RNF149: variants seen among roughly 807,000 people sequenced by gnomAD.
RNF149 encodes the protein E3 ubiquitin-protein ligase RNF149.
A neutral mutation model predicts 39.0 loss-of-function variants in RNF149; 21 were observed. That is an observed-to-expected ratio of 0.54 (90% CI 0.38 to 0.77). RNF149 has a LOEUF of 0.77. Among genes scored for constraint, RNF149 ranks in the 30% least tolerant of loss-of-function variants. RNF149 has a pLI of 0.00. For missense variants in RNF149, 493 were observed against 534.9 expected, an observed-to-expected ratio of 0.92 and a Z score of 0.77; for synonymous variants, 209 against 213.6, an observed-to-expected ratio of 0.98 and a Z score of 0.19.
chr2:101,274,738 G>A (rs1487790934), downstream of RNF149, among the ~76,000 whole-genome samples: 2 of 152,218 alleles, frequency 1.3e-5, no homozygotes, highest in Non-Finnish European at 2.9e-5. Flanking sequence ...AGCTTCATTA[G>A]CTACTGGGAA....
Position 101,308,308 on chromosome 2 carries a change from G to T in RNF149, c.281C>A (p.Thr94Lys). Residue 94 changes from threonine to lysine, a missense_variant, in exon 1 of 7, where the codon ACG becomes AAG. Transcript: ENST00000295317. ...GCCGGGCTCGGGCACGAAGAAGCGC[G>T]TGTCGGGCGCGCAGCCCTCGAGGTC... ...GGDLEGCAPDTRFFVPEPGGR... is the reference protein window; with the variant it reads ...GGDLEGCAPDKRFFVPEPGGR... 1 of 1,582,490 alleles carries T rather than the reference G, an allele frequency of 6.3e-7. No individual in the cohort carries two copies.
chr2:101,290,387 T>C (rs1292438087), intron 3 of RNF149, among the ~76,000 whole-genome samples: 4 of 152,206 alleles, frequency 2.6e-5, no homozygotes, highest in Non-Finnish European at 5.9e-5. Context: ...GAATGGAATA[T>C]GATGTAGACT....
chr2:101,307,737 G>A, intron 1 of RNF149: 3 of 801,408 alleles, frequency 3.7e-6, no homozygotes, highest in Middle Eastern at 6.4e-4. Flanking sequence ...AACCGATCGT[G>A]GGGCGCGCTG....
chr2:101,278,631 C>G (rs1282934279), intron 6 of RNF149, among the ~76,000 whole-genome samples: 1 of 152,146 alleles, frequency 6.6e-6, no homozygotes, highest in East Asian at 1.9e-4. Context: ...ATGGCTAAAT[C>G]ACACTAATTC....
intron 3 of RNF149, among the ~76,000 whole-genome samples, chr2:101,291,384 C>T (rs562945523): frequency 2.0e-5 from 3 of 151,150 alleles, no homozygotes; most frequent in Non-Finnish European, 2.9e-5. Flanking sequence ...CTCCTGACCT[C>T]GTGATCCACC....
chr2:101,283,621 A>G (rs1682675835), intron 5 of RNF149, among the ~76,000 whole-genome samples: 1 of 152,198 alleles, frequency 6.6e-6, no homozygotes, highest in Admixed American at 6.5e-5. Flanking sequence ...AGTCAAAGGC[A>G]AGACAGTAAG....
chr2:101,294,074 T>C lies in RNF149; in HGVS notation c.720A>G (p.Arg240=), dbSNP rs756223346. The C allele has an allele frequency of 2.0e-5, 31 of 1,552,612 alleles. No individual in the cohort carries two copies. The highest frequency in any genetic ancestry group is 8.9e-7 in the Non-Finnish European group (1 of 1,125,744). ...TGSQIGSQSH[R]KETKKVIGQL... is the part of the protein sequence containing the mutation. ...GGCCAATAACTTTCTTAGTTTCTTTTCTATGGCTCTTGGGTAGGAAAATAT... is the reference window on the plus strand; with the variant it reads ...GGCCAATAACTTTCTTAGTTTCTTTCCTATGGCTCTTGGGTAGGAAAATAT... The change falls in exon 3 of 7, where the codon AGA becomes AGG. Residue 240 remains arginine (R), a synonymous_variant. Coordinates refer to ENST00000295317, the MANE Select transcript of RNF149 (RefSeq NM_173647.4).
intron 5 of RNF149, 79 bp downstream of exon 5, chr2:101,286,000 CTT>C (rs1469813891): frequency 1.2e-6 from 1 of 816,516 alleles, no homozygotes; most frequent in Non-Finnish European, 2.1e-6. Context: ...ACCTGTTCCT[CTT>C]GTTTCTAGTC....
intron 1 of RNF149, among the ~76,000 whole-genome samples, chr2:101,295,757 CCAA>C (rs1299510383): frequency 2.0e-5 from 3 of 150,302 alleles, no homozygotes; most frequent in Non-Finnish European, 4.4e-5. Context: ...ACAAGAAACA[CCAA>C]CAACATTTAA....
chr2:101,294,289 A>C, intron 2 of RNF149: 5 of 433,196 alleles, frequency 1.2e-5, no homozygotes, highest in East Asian at 4.2e-5. Flanking sequence ...CTAACAACAA[A>C]AGCCATTCAA....
Position 101,276,473 on chromosome 2 carries a change from T to A in RNF149, c.*765A>T. The stretch of plus-strand genomic sequence containing the variant: ...GATTAAATTGTAACTGAAATCAATA[T>A]AACAGATTCTGAGTCTGCCTACTCA... On this transcript the variant is annotated 3_prime_UTR_variant, in exon 7 of 7. Coordinates refer to ENST00000295317, the MANE Select transcript of RNF149 (RefSeq NM_173647.4). 1 of 985,740 alleles carries A rather than the reference T, an allele frequency of 1.0e-6. No individual in the cohort carries two copies. Among genetic ancestry groups the A allele is most frequent in the Non-Finnish European group, 1.2e-6 (1 of 829,808 alleles). 61.1% of individuals were successfully genotyped at this position (985,740 alleles called of 1,614,324 possible). A position where few individuals can be genotyped will look rare whatever the true frequency, so the allele number is the denominator to read the frequency against.
chr2:101,299,659 G>C (rs1275795281), intron 1 of RNF149, among the ~76,000 whole-genome samples: 1 of 152,154 alleles, frequency 6.6e-6, no homozygotes, highest in African/African-American at 2.4e-5. Flanking sequence ...TCAGTTAAAA[G>C]CTTTTACACA....
rs1373341566 is a variant in RNF149 at position 101,276,301 on chromosome 2, CA to C, written c.*936del. On this transcript the variant is annotated 3_prime_UTR_variant, in exon 7 of 7. Transcript: ENST00000295317. Reference sequence around the variant, plus strand: ...TTTGCATTAGCCTGCTCCTTTGACCCAAAAGAACAGCAAGCAAGTAAAAAAG... The same window carrying C: ...TTTGCATTAGCCTGCTCCTTTGACCCAAAGAACAGCAAGCAAGTAAAAAAG... The C allele has an allele frequency of 4.1e-6, 4 of 985,288 alleles. No homozygotes were observed. Among genetic ancestry groups the C allele is most frequent in the Non-Finnish European group, 3.6e-6 (3 of 829,910 alleles). 61.0% of individuals were successfully genotyped at this position (985,288 alleles called of 1,614,324 possible).
chr2:101,274,836 G>A (rs1390486145), downstream of RNF149, among the ~76,000 whole-genome samples: 1 of 152,142 alleles, frequency 6.6e-6, no homozygotes, highest in East Asian at 1.9e-4. Context: ...GCCCAGGCTG[G>A]AGTGCAATGG....
rs140015958 is a variant in RNF149, at chr2:101,283,417, C to T, written c.961-1360G>A. Among the ~76,000 whole-genome samples the T allele has an allele frequency of 8.1e-3, 1,236 of 152,300 alleles. 9 individuals are homozygous for T. The highest frequency in any genetic ancestry group is 0.014 in the Non-Finnish European group (972 of 68,030). On this transcript the variant is annotated intron_variant, in intron 5 of 6. Transcript: ENST00000295317. ...TTGCCAAATGAATGAAAACAAGTGACATGGACACACTGAAATGGTTACAGC... is the reference window on the plus strand; with the variant it reads ...TTGCCAAATGAATGAAAACAAGTGATATGGACACACTGAAATGGTTACAGC...
chr2:101,302,924 G>C (rs1314213010), intron 1 of RNF149, among the ~76,000 whole-genome samples: 1 of 151,540 alleles, frequency 6.6e-6, no homozygotes, highest in Non-Finnish European at 1.5e-5. Flanking sequence ...AAGCTACAGC[G>C]AGCTATGATG....
chr2:101,283,276 C>A (rs1682661641), intron 5 of RNF149, among the ~76,000 whole-genome samples: 1 of 152,204 alleles, frequency 6.6e-6, no homozygotes, highest in Non-Finnish European at 1.5e-5. Context: ...CCCTACCAGT[C>A]CAGAAAGTGA....
chr2:101,303,673 T>A (rs1254225777), intron 1 of RNF149, among the ~76,000 whole-genome samples: 1 of 152,018 alleles, frequency 6.6e-6, no homozygotes, highest in Non-Finnish European at 1.5e-5. Context: ...CCTGGAGAGT[T>A]CAGGGATTTC....
intron 1 of RNF149, among the ~76,000 whole-genome samples, chr2:101,305,459 T>G (rs1399765374): frequency 6.6e-6 from 1 of 152,244 alleles, no homozygotes; most frequent in Non-Finnish European, 1.5e-5. Context: ...TTTCCAGCTT[T>G]TGCTCTGTTT....
Sources: gnomAD v4.1 joint callset for allele counts (sites outside exome capture counted in the v4.1 genomes callset) on GRCh38, gnomAD v4.1.1 for gene constraint, MANE v1.5 for transcripts, NCBI Gene and HGNC (gene_info 2026-07-23, HGNC 2026-07-21) for gene names.